The following RNF135 variants were observed in gnomAD, a reference collection of about 807,000 sequenced individuals.
The protein encoded by RNF135 is E3 ubiquitin-protein ligase RNF135.
RNF135 carries 46 observed loss-of-function variants against 41.9 expected under a neutral mutation model. That is an observed-to-expected ratio of 1.10 (90% CI 0.87 to 1.40). The LOEUF is 1.40. Ranked by LOEUF, RNF135 falls within the 40% of genes most tolerant of loss-of-function variation. The pLI is 0.00. For synonymous variants in RNF135, 238 were observed against 223.8 expected, an observed-to-expected ratio of 1.06 and a Z score of -0.57; for missense variants, 539 against 549.8, an observed-to-expected ratio of 0.98 and a Z score of 0.20.
At chr17:30,980,419 G>A (rs1907014033) in intron 1 of RNF135, among the ~76,000 whole-genome samples, 1 of 146,996 alleles carries the variant, frequency 6.8e-6, no homozygotes, top group African/African-American at 2.5e-5. Context: ...GCCGGGCAGA[G>A]GGGCTCCTCA....
At chr17:30,960,385 C>T in the RNF135 span, among the ~76,000 whole-genome samples, 220 of 148,888 alleles carry the variant, frequency 1.5e-3, no homozygotes, top group African/African-American at 5.3e-3. Context: ...AGTGAGACTC[C>T]GTCTCAAAAA....
rs908303094 is a variant in RNF135 at position 30,978,175 on chromosome 17, AC to A, written c.373-6440del. ...CTTTAGGATCCTTTCTTTAACCTTAACCTTTGGGAGTTTTATTATAAATGCC... is the reference window on the plus strand; with the variant it reads ...CTTTAGGATCCTTTCTTTAACCTTAACTTTGGGAGTTTTATTATAAATGCC... On this transcript the variant is annotated intron_variant, in intron 1 of 4. Transcript: ENST00000328381. Among the ~76,000 whole-genome samples the A allele has an allele frequency of 6.6e-5, 10 of 151,998 alleles. 1 individual carries two copies. Among genetic ancestry groups the A allele is most frequent in the African/African-American group, 2.4e-4 (10 of 41,384 alleles).
intron 1 of RNF135, among the ~76,000 whole-genome samples, chr17:30,979,805 G>T (rs1239697477): frequency 2.3e-5 from 3 of 130,662 alleles, no homozygotes; most frequent in Non-Finnish European, 3.4e-5. Context: ...GGCCGGGCGG[G>T]GGGCTGACCC....
At chr17:30,997,831 G>C (rs1213673049) in intron 4 of RNF135, among the ~76,000 whole-genome samples, 1 of 152,160 alleles carries the variant, frequency 6.6e-6, no homozygotes, top group African/African-American at 2.4e-5. Flanking sequence ...AGATAATATA[G>C]TACTTCTCTT....
At chr17:30,990,383 GC>G (rs1250111880) in intron 3 of RNF135, among the ~76,000 whole-genome samples, 1 of 152,086 alleles carries the variant, frequency 6.6e-6, no homozygotes, top group Non-Finnish European at 1.5e-5. Flanking sequence ...AATTAGCCGG[GC>G]GTGGTGGCAC....
intron 1 of RNF135, among the ~76,000 whole-genome samples, chr17:30,983,361 T>A (rs1463697815): frequency 1.9e-3 from 114 of 58,486 alleles, no homozygotes; most frequent in Middle Eastern, 0.012. Flanking sequence ...ATATTTTTTT[T>A]TTTTTTTTTT....
chr17:30,978,871 C>T (rs1906699878), intron 1 of RNF135: 1 of 144,300 alleles, frequency 6.9e-6, no homozygotes, highest in Admixed American at 7.2e-5. Context: ...CGCCCTTAAT[C>T]CATTTAACCC....
At chr17:30,998,255 T>C (rs1473818250) in intron 4 of RNF135, among the ~76,000 whole-genome samples, 1 of 152,176 alleles carries the variant, frequency 6.6e-6, no homozygotes, top group African/African-American at 2.4e-5. Context: ...AATAATTGTA[T>C]AGTCTGGGTG....
intron 3 of RNF135, among the ~76,000 whole-genome samples, chr17:30,989,982 C>CT (rs1907873538): frequency 9.4e-6 from 1 of 106,532 alleles, no homozygotes; most frequent in African/African-American, 5.3e-5. Flanking sequence ...GAAACTCTGT[C>CT]TCAAAAAAAA....
intron 1 of RNF135, among the ~76,000 whole-genome samples, chr17:30,980,025 G>A (rs1314009201): frequency 1.1e-4 from 14 of 124,192 alleles, no homozygotes; most frequent in Non-Finnish European, 1.7e-5. Flanking sequence ...GCGGCTGGCC[G>A]GGCGGGGGGC....
intron 1 of RNF135, among the ~76,000 whole-genome samples, chr17:30,977,329 T>C (rs1906547414): frequency 6.6e-6 from 1 of 152,158 alleles, no homozygotes. Flanking sequence ...GTAGTTATTT[T>C]TTATTGGTTT....
rs1420453160 is a variant in RNF135 at position 30,983,353 on chromosome 17, A to ATATATATT, written c.373-1263_373-1262insATATATTT. Among the ~76,000 whole-genome samples the ATATATATT allele has an allele frequency of 1.7e-3, 61 of 35,728 alleles. 2 individuals carry two copies. Among genetic ancestry groups the ATATATATT allele is most frequent in the Non-Finnish European group, 2.1e-3 (40 of 18,656 alleles). 23.4% of individuals were successfully genotyped at this position (35,728 alleles called of 152,430 possible). Reference sequence around the variant, plus strand: ...TATATATATATATATATATATATATATTTTTTTTTTTTTTTTTTGAGATGG... The same window carrying ATATATATT: ...TATATATATATATATATATATATATATATATATTTTTTTTTTTTTTTTTTTTGAGATGG... On this transcript the variant is annotated intron_variant, in intron 1 of 4. Transcript: ENST00000328381.
intron 3 of RNF135, among the ~76,000 whole-genome samples, chr17:30,992,225 C>T (rs376808991): frequency 5.9e-5 from 9 of 152,142 alleles, no homozygotes; most frequent in Admixed American, 1.3e-4. Flanking sequence ...TAAGCCACTG[C>T]GCTCGGCCTT....
At chr17:30,978,695 G>T (rs2142680095) in intron 1 of RNF135, 1 of 142,298 alleles carries the variant, frequency 7.0e-6, no homozygotes, top group East Asian at 2.0e-4. Flanking sequence ...GTGGAGGGAA[G>T]GTCAGCAGAT....
intron 1 of RNF135, among the ~76,000 whole-genome samples, chr17:30,978,221 G>A (rs1906636301): frequency 1.3e-5 from 2 of 152,046 alleles, no homozygotes; most frequent in South Asian, 4.1e-4. Context: ...TCTTCTTTGG[G>A]TTAAATCTGC....
At chr17:30,976,590 C>T (rs1906480362) in intron 1 of RNF135, among the ~76,000 whole-genome samples, 1 of 152,198 alleles carries the variant, frequency 6.6e-6, no homozygotes, top group South Asian at 2.1e-4. Flanking sequence ...AGTCTGTCTT[C>T]TCTTTAGCTC....
chr17:30,999,171 A>G lies in RNF135; in HGVS notation c.1279A>G (p.Ile427Val), dbSNP rs1303058986. The G allele has an allele frequency of 6.2e-7, 1 of 1,613,926 alleles. No homozygotes were observed. The highest frequency in any genetic ancestry group is 8.5e-7 in the Non-Finnish European group (1 of 1,180,022). ...YGLHPGNYLI[I>V]KQVKV ...CTTACATCCTGGAAATTACCTGATA[A>G]TAAAGCAAGTAAAGGTGTAAGGTTT... Residue 427 changes from isoleucine (I) to valine (V), a missense_variant, in exon 5 of 5, where the codon ATA becomes GTA. Physicochemically the swap from Ile to Val is conservative, Grantham distance 29 (BLOSUM62 3). Transcript: ENST00000328381.
intron 1 of RNF135, among the ~76,000 whole-genome samples, chr17:30,974,431 A>G (rs1485215249): frequency 2.6e-5 from 4 of 152,008 alleles, no homozygotes; most frequent in Non-Finnish European, 1.5e-5. Flanking sequence ...TGGCTTTTCC[A>G]TTTCTACAAA....
chr17:30,984,612 T>G lies in RNF135; in HGVS notation c.373-5T>G. The G allele has an allele frequency of 6.2e-7, 1 of 1,614,174 alleles. No individual in the cohort carries two copies. Among genetic ancestry groups the G allele is most frequent in the Non-Finnish European group, 8.5e-7 (1 of 1,180,028 alleles). Reference sequence around the variant, plus strand: ...ACCCAGGACCTGAACTTTGCTATTTTGAAGGTGGCAGTAGAGAAGAGCATC... The same window carrying G: ...ACCCAGGACCTGAACTTTGCTATTTGGAAGGTGGCAGTAGAGAAGAGCATC... On this transcript the variant is annotated splice_region_variant and splice_polypyrimidine_tract_variant and intron_variant, in intron 1 of 4. Transcript: ENST00000328381.
Sources: gnomAD v4.1 joint callset for allele counts (sites outside exome capture counted in the v4.1 genomes callset) on GRCh38, gnomAD v4.1.1 for gene constraint, MANE v1.5 for transcripts, NCBI Gene and HGNC (gene_info 2026-07-23, HGNC 2026-07-21) for gene names.